The following COQ10B variants were observed in gnomAD, a reference collection of about 807,000 sequenced individuals.
COQ10B encodes coenzyme Q10B, also known as coenzyme Q-binding protein COQ10 homolog B, mitochondrial.
COQ10B carries 12 observed loss-of-function variants against 27.6 expected under a neutral mutation model. The observed-to-expected ratio is 0.43, with a 90% CI of 0.28 to 0.70. The LOEUF is 0.70. Ranked by LOEUF, COQ10B falls within the 30% of genes least tolerant of loss-of-function variation. COQ10B has a pLI of 0.17. For synonymous variants in COQ10B, 115 were observed against 103.0 expected (o/e 1.12, Z -0.71); for missense variants, 278 against 288.7 (o/e 0.96, Z 0.27).
chr2:197,463,990 TATATATACACACACAC>T (rs1196694051), intron 3 of COQ10B, among the ~76,000 whole-genome samples: 1 of 74,944 alleles, frequency 1.3e-5, no homozygotes, highest in African/African-American at 5.3e-5. Flanking sequence ...TATATATATA[TATATATACACACACAC>T]ACACACACAC....
chr2:197,474,676 ACT>A lies in COQ10B; in HGVS notation c.*755_*756del, dbSNP rs2085930858. 1 of 152,250 alleles carries A rather than the reference ACT, an allele frequency of 6.6e-6. No individual in the cohort carries two copies. Among genetic ancestry groups the A allele is most frequent in the Admixed American group, 6.6e-5 (1 of 15,264 alleles). The allele number at this position is 152,250 out of a possible 1,614,324, so 9.4% of individuals were successfully genotyped here. A position where few individuals can be genotyped will look rare whatever the true frequency, so the allele number is the denominator to read the frequency against. ...ACTCCAGCCTGGGCAACAGAGGGAGACTCTGTCTCCAAAAACAAAAACAAAAA... is the reference window on the plus strand; with the variant it reads ...ACTCCAGCCTGGGCAACAGAGGGAGACTGTCTCCAAAAACAAAAACAAAAA... On this transcript the variant is annotated 3_prime_UTR_variant, in exon 5 of 5. Coordinates refer to ENST00000263960, the MANE Select transcript of COQ10B (RefSeq NM_025147.5).
intron 3 of COQ10B, among the ~76,000 whole-genome samples, chr2:197,463,990 TATATATACAC>T (rs1157713947): frequency 8.7e-4 from 65 of 74,920 alleles, no homozygotes; most frequent in Admixed American, 4.5e-3. Context: ...TATATATATA[TATATATACAC>T]ACACACACAC....
In COQ10B at chr2:197,474,103, C is replaced by A. The variant is rs1335071921; in HGVS notation, c.*179C>A. The A allele has an allele frequency of 5.0e-6, 2 of 396,396 alleles. No individual in the cohort carries two copies. The highest frequency in any genetic ancestry group is 8.8e-6 in the Non-Finnish European group (2 of 226,606). 24.6% of individuals were successfully genotyped at this position (396,396 alleles called of 1,614,324 possible). A position where few individuals can be genotyped will look rare whatever the true frequency, so the allele number is the denominator to read the frequency against. ...GACTCACTTGTACATAGAATTATTT[C>A]TTCAAGTATAATTCAAAATAATATG... On this transcript the variant is annotated 3_prime_UTR_variant, in exon 5 of 5. Transcript: ENST00000263960.
At chr2:197,460,156 C>A in intron 2 of COQ10B, 75 bp downstream of exon 2, 2 of 994,610 alleles carry the variant, frequency 2.0e-6, no homozygotes, top group East Asian at 2.9e-5. Flanking sequence ...GTGCCTCTTT[C>A]TCTCTGGATT....
Position 197,460,041 on chromosome 2 carries a change from A to G in COQ10B, c.214A>G (p.Ile72Val). The change falls in exon 2 of 5, where the codon ATA becomes GTA. Residue 72 changes from isoleucine (I) to valine (V), a missense_variant. Ile to Val is a conservative substitution (Grantham distance 29). Around this residue, in one of 3 missense-constraint regions of COQ10B, gnomAD observed 183 missense variants for 158.2 expected, o/e 1.16. Transcript: ENST00000263960. Reference sequence around the variant, plus strand: ...TTTCTTCAAAATCACTGCACCATTAATAAACAAAAGGAAAGAATATTCAGA... The same window carrying G: ...TTTCTTCAAAATCACTGCACCATTAGTAAACAAAAGGAAAGAATATTCAGA... ...RTFFKITAPL[I>V]NKRKEYSERR... 6.2e-7 allele frequency: 1 copy of G among 1,610,706 alleles called. No individual in the cohort carries two copies. The highest frequency in any genetic ancestry group is 8.5e-7 in the Non-Finnish European group (1 of 1,177,920).
chr2:197,470,454 C>T (rs190485346), intron 4 of COQ10B, among the ~76,000 whole-genome samples: 43 of 152,278 alleles, frequency 2.8e-4, no homozygotes, highest in African/African-American at 9.4e-4. Context: ...TGAAAGAACA[C>T]ATTGCATATA....
intron 4 of COQ10B, 45 bp from the exon 5 acceptor site, chr2:197,473,712 C>CA: frequency 8.2e-7 from 1 of 1,215,368 alleles, no homozygotes; most frequent in Non-Finnish European, 1.1e-6. Context: ...AAAAAAAAAG[C>CA]AAAAAATAAT....
chr2:197,459,921 T>A lies in COQ10B; in HGVS notation c.105-11T>A. 1 of 1,571,108 alleles carries A rather than the reference T, an allele frequency of 6.4e-7. No individual in the cohort carries two copies. Among genetic ancestry groups the A allele is most frequent in the Non-Finnish European group, 8.6e-7 (1 of 1,163,452 alleles). ...CTGTCACTCTAAATCAGGTGATTTT[T>A]GTCTTTTCAGATATTTAGCTTCCTG... On this transcript the variant is annotated splice_polypyrimidine_tract_variant and intron_variant, in intron 1 of 4. Coordinates refer to ENST00000263960, the MANE Select transcript of COQ10B (RefSeq NM_025147.5).
chr2:197,473,683 C>T (rs1412482978), intron 4 of COQ10B, 74 bp from the exon 5 acceptor site: 2 of 1,128,434 alleles, frequency 1.8e-6, no homozygotes, highest in Non-Finnish European at 1.2e-6. Flanking sequence ...GAGAGTCCCT[C>T]TCCAGGAAAA....
chr2:197,462,321 C>A (rs549734838), intron 2 of COQ10B, among the ~76,000 whole-genome samples: 1 of 151,494 alleles, frequency 6.6e-6, no homozygotes, highest in East Asian at 1.9e-4. Context: ...TGTGAGATGC[C>A]AAATTGTGAT....
intron 3 of COQ10B, among the ~76,000 whole-genome samples, chr2:197,465,012 A>T (rs2085809201): frequency 6.6e-6 from 1 of 151,672 alleles, no homozygotes; most frequent in African/African-American, 2.4e-5. Flanking sequence ...CAGCCTCCCG[A>T]GTAGCGGGGG....
chr2:197,455,250 CA>C (rs1356683484), intron 1 of COQ10B, among the ~76,000 whole-genome samples: 1 of 151,912 alleles, frequency 6.6e-6, no homozygotes, highest in Non-Finnish European at 1.5e-5. Flanking sequence ...TCTTTAGAAG[CA>C]AAGGTCTCAT....
intron 1 of COQ10B, among the ~76,000 whole-genome samples, chr2:197,457,827 G>A (rs1216198517): frequency 6.6e-6 from 1 of 152,044 alleles, no homozygotes; most frequent in Non-Finnish European, 1.5e-5. Context: ...TCGCCATGTT[G>A]GCCAGGCTGG....
At chr2:197,455,682 G>A (rs1009767607) in intron 1 of COQ10B, among the ~76,000 whole-genome samples, 17 of 151,608 alleles carry the variant, frequency 1.1e-4, no homozygotes, top group Non-Finnish European at 1.5e-4. Context: ...AAACAAGGCC[G>A]GACACAGTGA....
chr2:197,461,181 A>G (rs2085753753), intron 2 of COQ10B, among the ~76,000 whole-genome samples: 1 of 152,328 alleles, frequency 6.6e-6, no homozygotes, highest in Non-Finnish European at 1.5e-5. Context: ...ACAGCCCTAT[A>G]GATAATACCC....
At chr2:197,473,332 T>C (rs778827382) in intron 4 of COQ10B, among the ~76,000 whole-genome samples, 3 of 148,000 alleles carry the variant, frequency 2.0e-5, no homozygotes, top group Admixed American at 6.9e-5. Context: ...GTGGGCAGAA[T>C]TGCATTAGCC....
chr2:197,456,214 C>T (rs2085696337), intron 1 of COQ10B, among the ~76,000 whole-genome samples: 1 of 152,052 alleles, frequency 6.6e-6, no homozygotes, highest in Non-Finnish European at 1.5e-5. Context: ...GCCTGTAATC[C>T]CAGCACTTTG....
Position 197,462,571 on chromosome 2 carries a change from C to T in COQ10B, c.287C>T (p.Ser96Leu), listed in dbSNP as rs866106897. ...ATGCAGGAAATGTATGATGTAGTATCGGGAGTGGAGGATTACAAGCATTTT... is the reference window on the plus strand; with the variant it reads ...ATGCAGGAAATGTATGATGTAGTATTGGGAGTGGAGGATTACAAGCATTTT... ...YSMQEMYDVV[S>L]GVEDYKHFVP... The change falls in exon 3 of 5, where the codon TCG (serine) becomes TTG (leucine). Residue 96 changes from serine to leucine, a missense_variant. This residue lies in a region of COQ10B where 183 missense variants were observed against 158.2 expected (regional missense o/e 1.16). Transcript: ENST00000263960. 1.3e-6 allele frequency: 2 copies of T among 1,588,562 alleles called. No homozygotes were observed. The highest frequency in any genetic ancestry group is 3.5e-5 in the Admixed American group (2 of 57,226).
chr2:197,463,976 TATATATATATATATATATATACACACAC>T (rs2085793180), intron 3 of COQ10B, among the ~76,000 whole-genome samples: 1 of 73,812 alleles, frequency 1.4e-5, no homozygotes, highest in African/African-American at 5.4e-5. Flanking sequence ...TATATATATA[TATATATATATATATATATATACACACAC>T]ACACACACAC....
Sources: allele counts gnomAD v4.1 joint callset (sites outside exome capture counted in the v4.1 genomes callset), GRCh38; gene constraint gnomAD v4.1.1; regional missense constraint gnomAD v4.1.1; transcripts MANE v1.5; gene names NCBI Gene and HGNC (gene_info 2026-07-23, HGNC 2026-07-21).